The following MRTFB variants were observed in gnomAD, a reference collection of about 807,000 sequenced individuals.
MRTFB encodes myocardin related transcription factor B.
In MRTFB, 29 loss-of-function variants were observed where a neutral mutation model predicts 104.2. The observed-to-expected ratio is 0.28, with a 90% confidence interval of 0.21 to 0.38. MRTFB has a LOEUF of 0.38. MRTFB is among the 10% of genes least tolerant of loss of function. The pLI, the probability that MRTFB is intolerant of heterozygous loss-of-function variation, is 1.00. For synonymous variants in MRTFB, 535 were observed against 519.5 expected (o/e 1.03, Z -0.41); for missense variants, 1,270 against 1,341.6 (o/e 0.95, Z 0.83).
At chr16:14,146,790 A>G (rs779400136) in intron 3 of MRTFB, among the ~76,000 whole-genome samples, 30 of 152,192 alleles carry the variant, frequency 2.0e-4, no homozygotes, top group African/African-American at 6.0e-4. Flanking sequence ...TACAATGGCA[A>G]TGAACATTTG....
the MRTFB span, among the ~76,000 whole-genome samples, chr16:13,996,541 G>A: frequency 2.6e-5 from 4 of 152,344 alleles, no homozygotes; most frequent in East Asian, 7.7e-4. Flanking sequence ...TGGTCCATGT[G>A]TTAGGCACAG....
At chr16:14,039,185 G>A in the MRTFB span, among the ~76,000 whole-genome samples, 1 of 152,194 alleles carries the variant, frequency 6.6e-6, no homozygotes, top group Non-Finnish European at 1.5e-5. Context: ...CCACCTTTCA[G>A]GTGGCTCTAG....
rs141042627 is a variant in MRTFB, at chr16:14,206,669, G to A, written c.155-3574G>A. Reference sequence around the variant, plus strand: ...CGATTCTTCTGCCTCAGCCTGCTGAGTAGCTGGGATTACAGGCACCTGCCA... The same window carrying A: ...CGATTCTTCTGCCTCAGCCTGCTGAATAGCTGGGATTACAGGCACCTGCCA... On this transcript the variant is annotated intron_variant, in intron 3 of 16. Transcript: ENST00000571589. Among the ~76,000 whole-genome samples the A allele has an allele frequency of 6.6e-5, 10 of 152,276 alleles. No individual in the cohort carries two copies. The East Asian group carries it at 1.9e-3, about 29-fold the overall frequency.
intron 15 of MRTFB, among the ~76,000 whole-genome samples, chr16:14,257,684 T>C (rs929463956): frequency 2.6e-5 from 4 of 152,220 alleles, no homozygotes; most frequent in Non-Finnish European, 4.4e-5. Context: ...TCAAAACATA[T>C]CAAATTGTAT....
At chr16:14,184,404 G>A (rs2151023196) in intron 3 of MRTFB, among the ~76,000 whole-genome samples, 1 of 152,142 alleles carries the variant, frequency 6.6e-6, no homozygotes, top group South Asian at 2.1e-4. Flanking sequence ...TGTATCTTTA[G>A]TAGAGATGGG....
At chr16:14,105,154 C>T (rs1023524778) in intron 2 of MRTFB, among the ~76,000 whole-genome samples, 1 of 152,232 alleles carries the variant, frequency 6.6e-6, no homozygotes, top group South Asian at 2.1e-4. Context: ...AAAAATGGAA[C>T]CCATTATTTC....
At chr16:14,053,086 AT>A in the MRTFB span, among the ~76,000 whole-genome samples, 1 of 152,080 alleles carries the variant, frequency 6.6e-6, no homozygotes, top group African/African-American at 2.4e-5. Context: ...ATGGTGTTCC[AT>A]TGTATATATA....
At chr16:14,241,816 G>A (rs189193189) in intron 10 of MRTFB, among the ~76,000 whole-genome samples, 88 of 152,126 alleles carry the variant, frequency 5.8e-4, no homozygotes, top group Admixed American at 4.6e-3. Flanking sequence ...GAGCAGGCAG[G>A]CCCGAGTGAG....
At chr16:14,048,700 GA>G in the MRTFB span, among the ~76,000 whole-genome samples, 1 of 152,252 alleles carries the variant, frequency 6.6e-6, no homozygotes, top group Non-Finnish European at 1.5e-5. Context: ...TATTGGGGCA[GA>G]AGAGCAGTTG....
intron 3 of MRTFB, among the ~76,000 whole-genome samples, chr16:14,192,392 A>G (rs1351627766): frequency 1.3e-5 from 2 of 152,176 alleles, no homozygotes; most frequent in African/African-American, 4.8e-5. Flanking sequence ...AAATTTGAAA[A>G]GATACGAGAT....
intron 6 of MRTFB, among the ~76,000 whole-genome samples, 165 bp from the exon 7 acceptor site, chr16:14,216,961 T>G (rs1314208332): frequency 6.6e-6 from 1 of 152,190 alleles, no homozygotes; most frequent in Non-Finnish European, 1.5e-5. Flanking sequence ...AAATACAAAA[T>G]GCATACTGGA....
At chr16:14,121,490 T>C (rs946927174) in intron 2 of MRTFB, among the ~76,000 whole-genome samples, 1 of 152,208 alleles carries the variant, frequency 6.6e-6, no homozygotes, top group South Asian at 2.1e-4. Context: ...TGAACTCTTA[T>C]TAAGTAGAAT....
At chr16:13,995,563 C>T in the MRTFB span, among the ~76,000 whole-genome samples, 57,274 of 152,018 alleles carry the variant, frequency 0.38, 11,174 homozygotes, top group African/African-American at 0.46. Context: ...TGAAGTGTAT[C>T]AGTCCTTCCT....
chr16:14,083,140 T>C (rs981891189), intron 2 of MRTFB, among the ~76,000 whole-genome samples: 1 of 151,732 alleles, frequency 6.6e-6, no homozygotes, highest in Non-Finnish European at 1.5e-5. Context: ...GTTTTCTTGA[T>C]TTTTTTTTCA....
intron 15 of MRTFB, among the ~76,000 whole-genome samples, chr16:14,253,290 CAT>C (rs1036793206): frequency 6.6e-6 from 1 of 152,198 alleles, no homozygotes; most frequent in African/African-American, 2.4e-5. Flanking sequence ...ACCCCAGCCT[CAT>C]AGAGGATTCA....
chr16:14,108,854 C>T (rs1251044068), intron 2 of MRTFB, among the ~76,000 whole-genome samples: 2 of 152,180 alleles, frequency 1.3e-5, no homozygotes, highest in Non-Finnish European at 2.9e-5. Context: ...CCCATCGTCT[C>T]CCCTGCCGAA....
At chr16:14,214,303 T>C (rs1377179741) in intron 6 of MRTFB, among the ~76,000 whole-genome samples, 1 of 152,186 alleles carries the variant, frequency 6.6e-6, no homozygotes, top group East Asian at 1.9e-4. Flanking sequence ...TTATTAAGAC[T>C]AGGAGCTTGA....
chr16:14,066,819 A>G (rs1000102777), upstream of MRTFB, among the ~76,000 whole-genome samples: 1 of 151,848 alleles, frequency 6.6e-6, no homozygotes, highest in South Asian at 2.1e-4. Flanking sequence ...ACAAACCACC[A>G]TGCTTAGCTA....
chr16:14,105,168 C>T (rs186037249), intron 2 of MRTFB, among the ~76,000 whole-genome samples: 20 of 152,216 alleles, frequency 1.3e-4, no homozygotes, highest in African/African-American at 4.8e-4. Flanking sequence ...TTATTTCTTT[C>T]CTTTGAGTGA....
Sources: gnomAD v4.1 joint callset for allele counts (sites outside exome capture counted in the v4.1 genomes callset) on GRCh38, gnomAD v4.1.1 for gene constraint, MANE v1.5 for transcripts, NCBI Gene and HGNC (gene_info 2026-07-23, HGNC 2026-07-21) for gene names.